Variants in CA10 observed in about 807,000 individuals in gnomAD.
CA10 encodes the protein carbonic anhydrase 10 (inactive).
A neutral mutation model predicts 44.2 loss-of-function variants in CA10; 14 were observed. That is an observed-to-expected ratio of 0.32 (90% CI 0.21 to 0.50). The LOEUF is 0.50. Ranked by LOEUF, CA10 falls within the 20% of genes least tolerant of loss-of-function variation. The pLI is 0.99. For missense variants in CA10, 350 were observed against 409.7 expected (o/e 0.85, Z 1.26); for synonymous variants, 159 against 141.6 (o/e 1.12, Z -0.87).
chr17:51,739,299 G>A (rs1273976194), intron 4 of CA10, among the ~76,000 whole-genome samples: 1 of 152,034 alleles, frequency 6.6e-6, no homozygotes, highest in Non-Finnish European at 1.5e-5. Flanking sequence ...CAGTGTCACT[G>A]GTTACTAAAT....
chr17:52,079,542 C>T (rs1037423819), intron 1 of CA10, among the ~76,000 whole-genome samples: 6 of 152,058 alleles, frequency 3.9e-5, no homozygotes, highest in Non-Finnish European at 5.9e-5. Flanking sequence ...GCCTGATAAA[C>T]GTGGTAGTGA....
intron 6 of CA10, among the ~76,000 whole-genome samples, chr17:51,646,611 C>T (rs899503224): frequency 6.6e-6 from 1 of 152,172 alleles, no homozygotes. Flanking sequence ...GCTGGCCTAA[C>T]CTGCTGCCTG....
intron 2 of CA10, among the ~76,000 whole-genome samples, chr17:51,999,350 T>C (rs952115095): frequency 1.3e-5 from 2 of 152,012 alleles, no homozygotes; most frequent in African/African-American, 2.4e-5. Context: ...GTTGCGGCAA[T>C]GTAGCTAAGT....
chr17:51,833,427 C>A (rs555222385), intron 3 of CA10, among the ~76,000 whole-genome samples: 2 of 152,324 alleles, frequency 1.3e-5, no homozygotes, highest in Admixed American at 1.3e-4. Context: ...CAACTTCTAG[C>A]CAGCTGATTA....
chr17:52,039,427 A>T (rs973184531), intron 2 of CA10, among the ~76,000 whole-genome samples: 1 of 152,068 alleles, frequency 6.6e-6, no homozygotes, highest in Non-Finnish European at 1.5e-5. Context: ...TGAAAGTTAC[A>T]TTGATTTTTT....
intron 3 of CA10, chr17:51,762,446 G>T (rs990904466): frequency 6.6e-6 from 1 of 152,212 alleles, no homozygotes. Flanking sequence ...ATCTGGAGAT[G>T]CCTAGAATAG....
chr17:52,045,619 C>G (rs1986892233), intron 2 of CA10, among the ~76,000 whole-genome samples: 1 of 151,806 alleles, frequency 6.6e-6, no homozygotes, highest in Admixed American at 6.6e-5. Flanking sequence ...AGAAAAATTG[C>G]TAGAACTGAA....
intron 2 of CA10, among the ~76,000 whole-genome samples, chr17:51,960,952 T>C (rs1314449609): frequency 6.6e-6 from 1 of 152,176 alleles, no homozygotes; most frequent in Non-Finnish European, 1.5e-5. Context: ...GATTACTGTA[T>C]AATTATTTTG....
chr17:51,751,139 C>T (rs1904876249), intron 3 of CA10, among the ~76,000 whole-genome samples: 1 of 152,124 alleles, frequency 6.6e-6, no homozygotes, highest in Non-Finnish European at 1.5e-5. Context: ...AAACAAATAG[C>T]AAAATGACAA....
chr17:52,092,082 T>C (rs989437696), intron 1 of CA10, among the ~76,000 whole-genome samples: 5 of 152,102 alleles, frequency 3.3e-5, no homozygotes, highest in Non-Finnish European at 7.4e-5. Context: ...CGCCTGTCTG[T>C]CTCTGTATTT....
chr17:51,686,021 C>T (rs950289936), intron 4 of CA10, among the ~76,000 whole-genome samples: 2 of 147,834 alleles, frequency 1.4e-5, no homozygotes, highest in Non-Finnish European at 1.5e-5. Context: ...CAAATCTCAC[C>T]TTGAATTGTA....
At chr17:51,894,302 C>A (rs1265517480) in intron 3 of CA10, among the ~76,000 whole-genome samples, 1 of 151,992 alleles carries the variant, frequency 6.6e-6, no homozygotes, top group Non-Finnish European at 1.5e-5. Flanking sequence ...CACGTTTGTC[C>A]CCCAAGCAAA....
At chr17:52,034,432 A>C (rs1986557920) in intron 2 of CA10, among the ~76,000 whole-genome samples, 1 of 152,234 alleles carries the variant, frequency 6.6e-6, no homozygotes, top group South Asian at 2.1e-4. Context: ...GTAGAAAAGT[A>C]AAGAAGAGAA....
intron 1 of CA10, among the ~76,000 whole-genome samples, chr17:52,145,622 C>A (rs1272651545): frequency 2.0e-5 from 3 of 152,136 alleles, no homozygotes; most frequent in Non-Finnish European, 4.4e-5. Context: ...TTATCTTAAC[C>A]ACAGTTTCCT....
intron 3 of CA10, among the ~76,000 whole-genome samples, chr17:51,925,027 C>T (rs966706915): frequency 6.6e-6 from 1 of 152,086 alleles, no homozygotes; most frequent in African/African-American, 2.4e-5. Context: ...TGATGGCCAG[C>T]TTCTTCTCTT....
intron 1 of CA10, among the ~76,000 whole-genome samples, chr17:52,121,511 T>C (rs764930127): frequency 5.9e-5 from 9 of 152,100 alleles, no homozygotes; most frequent in Non-Finnish European, 1.0e-4. Flanking sequence ...CATTCTACAA[T>C]GCTTAGGTAT....
intron 2 of CA10, among the ~76,000 whole-genome samples, chr17:52,051,517 A>G (rs2970027): frequency 0.99 from 150,958 of 152,134 alleles, 74,907 homozygotes; most frequent in East Asian, 1. Flanking sequence ...ACATATATGC[A>G]GCCAACAAGT....
At chr17:52,009,980 C>A (rs1985729718) in intron 2 of CA10, among the ~76,000 whole-genome samples, 1 of 151,732 alleles carries the variant, frequency 6.6e-6, no homozygotes, top group Admixed American at 6.6e-5. Context: ...ATATAAATGG[C>A]CAAGAAGCAT....
intron 3 of CA10, among the ~76,000 whole-genome samples, chr17:51,909,801 T>C (rs1981714912): frequency 6.6e-6 from 1 of 152,132 alleles, no homozygotes; most frequent in South Asian, 2.1e-4. Context: ...TCATCGATGT[T>C]AACTGCAGAA....
Sources: gnomAD v4.1 joint callset for allele counts (sites outside exome capture counted in the v4.1 genomes callset) on GRCh38, gnomAD v4.1.1 for gene constraint, MANE v1.5 for transcripts, NCBI Gene and HGNC (gene_info 2026-07-23, HGNC 2026-07-21) for gene names.